STK32B: variants seen among roughly 807,000 people sequenced by gnomAD.
The protein encoded by STK32B is serine/threonine kinase 32B.
In STK32B, 43 loss-of-function variants were observed where a neutral mutation model predicts 52.6. The observed-to-expected ratio is 0.82, with a 90% CI of 0.64 to 1.05. The LOEUF is 1.05. Among genes scored for constraint, STK32B ranks in the 50% least tolerant of loss-of-function variants. The pLI is 0.00. For missense variants in STK32B, 621 were observed against 534.6 expected (o/e 1.16, Z -1.59); for synonymous variants, 238 against 204.3 (o/e 1.17, Z -1.41).
At chr4:5,250,310 CTT>C (rs143911318) in intron 3 of STK32B, among the ~76,000 whole-genome samples, 8,609 of 118,982 alleles carry the variant, frequency 0.072, 306 homozygotes, top group African/African-American at 0.16. Flanking sequence ...GTTTTAAGTT[CTT>C]TTTTTTTTTT....
intron 1 of STK32B, among the ~76,000 whole-genome samples, chr4:5,077,731 C>T (rs571379903): frequency 1.3e-5 from 2 of 152,248 alleles, no homozygotes; most frequent in South Asian, 2.1e-4. Context: ...CGGGGGAAGG[C>T]AGGAAATCAG....
At chr4:5,139,520 T>G in intron 1 of STK32B, 1 of 201,078 alleles carries the variant, frequency 5.0e-6, no homozygotes, top group Non-Finnish European at 1.0e-5. Flanking sequence ...AAGGGGAGAA[T>G]TGAGAGAGTG....
chr4:5,045,345 C>T, the STK32B span, among the ~76,000 whole-genome samples: 1 of 152,236 alleles, frequency 6.6e-6, no homozygotes, highest in African/African-American at 2.4e-5. Flanking sequence ...CTTCCTCTGT[C>T]TGCAATACTT....
At chr4:5,387,629 AGGTC>A (rs1273378686) in intron 4 of STK32B, among the ~76,000 whole-genome samples, 1 of 151,614 alleles carries the variant, frequency 6.6e-6, no homozygotes, top group Admixed American at 6.6e-5. Context: ...AAGCATGCAC[AGGTC>A]GGTCAAGCGA....
intron 4 of STK32B, among the ~76,000 whole-genome samples, chr4:5,359,468 T>G (rs1286780381): frequency 6.8e-6 from 1 of 146,494 alleles, no homozygotes; most frequent in Non-Finnish European, 1.5e-5. Context: ...GCCAGTCTAA[T>G]GATGCAGCAG....
At chr4:5,339,058 C>T (rs1030866956) in intron 4 of STK32B, among the ~76,000 whole-genome samples, 4 of 151,208 alleles carry the variant, frequency 2.6e-5, no homozygotes, top group Non-Finnish European at 4.4e-5. Context: ...TTCACTCTTT[C>T]TACTTGACTG....
intron 1 of STK32B, among the ~76,000 whole-genome samples, chr4:5,092,530 G>A (rs1403207478): frequency 7.3e-6 from 1 of 136,852 alleles, no homozygotes; most frequent in African/African-American, 3.0e-5. Context: ...GCGAGACTCC[G>A]TCTCAAAAAA....
Position 5,470,014 on chromosome 4 carries a change from G to A in STK32B, c.1106+1944G>A, listed in dbSNP as rs146431090. 2.6e-3 allele frequency among the ~76,000 whole-genome samples: 402 copies of A among 152,234 alleles called. 3 individuals are homozygous for A. Among genetic ancestry groups the A allele is most frequent in the Non-Finnish European group, 2.8e-3 (191 of 68,014 alleles). Reference sequence around the variant, plus strand: ...CCAATGAGAGCAGCTGCTGGCAAACGTGAGCCTGCAAAAAGCTAAGCTGTG... The same window carrying A: ...CCAATGAGAGCAGCTGCTGGCAAACATGAGCCTGCAAAAAGCTAAGCTGTG... On this transcript the variant is annotated intron_variant, in intron 11 of 11. Coordinates refer to ENST00000282908, the MANE Select transcript of STK32B (RefSeq NM_018401.3). This position sits in a 1 kb window ranked among gnomAD's most constrained non-coding sequence, Gnocchi z 4.6.
intron 11 of STK32B, among the ~76,000 whole-genome samples, chr4:5,484,178 G>A (rs1010187437): frequency 1.3e-5 from 2 of 152,166 alleles, no homozygotes; most frequent in Admixed American, 1.3e-4. Context: ...GTCTAATGTT[G>A]ACAGTGGGGT....
chr4:5,477,989 C>T (rs1036852733), intron 11 of STK32B, among the ~76,000 whole-genome samples: 1 of 152,152 alleles, frequency 6.6e-6, no homozygotes, highest in Non-Finnish European at 1.5e-5. Context: ...CTCAGCCTCA[C>T]CTCCGAGTCT....
chr4:5,442,974 G>A (rs1346315581), intron 6 of STK32B, among the ~76,000 whole-genome samples: 27 of 151,638 alleles, frequency 1.8e-4, no homozygotes, highest in South Asian at 6.3e-4. Context: ...CGAGAGATCC[G>A]CTGTTAGTCT....
the STK32B span, among the ~76,000 whole-genome samples, chr4:5,038,687 A>G: frequency 6.6e-6 from 1 of 152,232 alleles, no homozygotes; most frequent in Non-Finnish European, 1.5e-5. Context: ...TGGATAGGGT[A>G]CTTACAATGA....
chr4:5,249,216 T>C (rs1355562275), intron 3 of STK32B, among the ~76,000 whole-genome samples: 3 of 152,194 alleles, frequency 2.0e-5, no homozygotes, highest in African/African-American at 7.2e-5. Flanking sequence ...GGTTTCTACC[T>C]TCATTAACTC....
chr4:5,324,800 G>C (rs147271501), intron 3 of STK32B, among the ~76,000 whole-genome samples: 1 of 152,232 alleles, frequency 6.6e-6, no homozygotes, highest in African/African-American at 2.4e-5. Context: ...GTGGGTGAAC[G>C]TGTGGAATTG....
intron 4 of STK32B, among the ~76,000 whole-genome samples, chr4:5,344,692 A>T (rs1337016101): frequency 5.4e-5 from 8 of 147,902 alleles, no homozygotes; most frequent in Admixed American, 1.3e-4. Flanking sequence ...CTTTGTCAGA[A>T]TTTTTTTTTT....
chr4:5,213,514 TGAAGCA>T (rs1723020079), intron 3 of STK32B, among the ~76,000 whole-genome samples: 1 of 152,214 alleles, frequency 6.6e-6, no homozygotes, highest in African/African-American at 2.4e-5. Context: ...AGACTAGAAG[TGAAGCA>T]GATAGAGATC....
At chr4:5,031,899 G>A in the STK32B span, among the ~76,000 whole-genome samples, 1,338 of 152,226 alleles carry the variant, frequency 8.8e-3, 26 homozygotes, top group African/African-American at 0.031. Context: ...AAGGCTGGTC[G>A]CTCTCACCAG....
intron 3 of STK32B, among the ~76,000 whole-genome samples, chr4:5,322,640 C>T (rs1348313919): frequency 6.6e-6 from 1 of 152,184 alleles, no homozygotes; most frequent in Non-Finnish European, 1.5e-5. Flanking sequence ...CATTGTGCTG[C>T]CTGGAGACTA....
chr4:5,319,329 C>A (rs1731330896), intron 3 of STK32B, among the ~76,000 whole-genome samples: 1 of 152,162 alleles, frequency 6.6e-6, no homozygotes, highest in Non-Finnish European at 1.5e-5. Flanking sequence ...TCACTGCTTA[C>A]CAATGAAGCA....
Sources: allele counts gnomAD v4.1 joint callset (sites outside exome capture counted in the v4.1 genomes callset), GRCh38; gene constraint gnomAD v4.1.1; non-coding constraint Gnocchi (gnomAD v3.1); transcripts MANE v1.5; gene names NCBI Gene and HGNC (gene_info 2026-07-23, HGNC 2026-07-21).